Variants in COL9A3 observed in about 807,000 individuals in gnomAD.
The protein encoded by COL9A3 is collagen type IX alpha 3 chain.
In COL9A3, 82 loss-of-function variants were observed where a neutral mutation model predicts 110.2. The observed-to-expected ratio is 0.74, with a 90% CI of 0.62 to 0.89. The LOEUF (loss-of-function observed/expected upper bound fraction) is 0.89. Ranked by LOEUF, COL9A3 falls within the 40% of genes least tolerant of loss-of-function variation. The pLI is 0.00. For missense variants in COL9A3, 1,066 were observed against 981.3 expected (o/e 1.09, Z -1.15); for synonymous variants, 494 against 403.8 (o/e 1.22, Z -2.68).
chr20:62,829,009 C>T (rs781232344), intron 19 of COL9A3, 33 bp downstream of exon 19: 11 of 1,573,456 alleles, frequency 7.0e-6, no homozygotes, highest in African/African-American at 2.7e-5. Flanking sequence ...CAGCCTGGGG[C>T]GCCACAGCTT....
Position 62,829,878 on chromosome 20 carries a change from C to T in COL9A3, c.1161+59C>T, listed in dbSNP as rs1340186256. ...TAGCACTGAGCCATTGGCACATGGCCCCAGTTTCTGAGCAGGCCGGGGTGG... is the reference window on the plus strand; with the variant it reads ...TAGCACTGAGCCATTGGCACATGGCTCCAGTTTCTGAGCAGGCCGGGGTGG... On this transcript the variant is annotated intron_variant, in intron 22 of 31. Transcript: ENST00000649368. 7 of 1,526,968 alleles carry T rather than the reference C, an allele frequency of 4.6e-6. No homozygotes were observed. In the Admixed American group the frequency reaches 5.9e-5, roughly 13 times the overall value. The allele number at this position is 1,526,968 out of a possible 1,614,324, so 94.6% of individuals were successfully genotyped here. A position where few individuals can be genotyped will look rare whatever the true frequency, so the allele number is the denominator to read the frequency against.
chr20:62,838,909 C>A, intron 31 of COL9A3, 148 bp downstream of exon 31: 2 of 766,804 alleles, frequency 2.6e-6, no homozygotes, highest in Non-Finnish European at 4.6e-6. Flanking sequence ...GGAATTGTCT[C>A]AATAACCACT....
At chr20:62,838,868 T>C (rs2063654427) in intron 31 of COL9A3, 107 bp downstream of exon 31, 11 of 903,108 alleles carry the variant, frequency 1.2e-5, no homozygotes, top group East Asian at 2.6e-5. Flanking sequence ...TTTCCTCTTC[T>C]CTTGGCAAAG....
chr20:62,828,432 A>G (rs868859716), intron 17 of COL9A3, among the ~76,000 whole-genome samples: 7 of 152,330 alleles, frequency 4.6e-5, no homozygotes, highest in South Asian at 4.1e-4. Context: ...TGGACGAGGC[A>G]GGCCTGGCCT....
chr20:62,817,050 A>G lies in COL9A3; in HGVS notation c.-15A>G. 7.6e-7 allele frequency: 1 copy of G among 1,319,986 alleles called. No homozygotes were observed. The highest frequency in any genetic ancestry group is 9.7e-7 in the Non-Finnish European group (1 of 1,028,434). The allele number at this position is 1,319,986 out of a possible 1,614,324, so 81.8% of individuals were successfully genotyped here. On this transcript the variant is annotated 5_prime_UTR_variant, in exon 1 of 32. Coordinates refer to ENST00000649368, the MANE Select transcript of COL9A3 (RefSeq NM_001853.4). ...GCCGCCCGCCCCGACGCCGCAGCTC[A>G]GACTCCGCTCAGCCATGGCCGGGCC...
Position 62,817,089 on chromosome 20 carries a change from C to G in COL9A3, c.25C>G (p.Pro9Ala). 7.2e-7 allele frequency: 1 copy of G among 1,396,670 alleles called. No individual in the cohort carries two copies. Among genetic ancestry groups the G allele is most frequent in the Non-Finnish European group, 9.3e-7 (1 of 1,069,838 alleles). The allele number at this position is 1,396,670 out of a possible 1,614,324, so 86.5% of individuals were successfully genotyped here. A position where few individuals can be genotyped will look rare whatever the true frequency, so the allele number is the denominator to read the frequency against. ...CATGGCCGGGCCGCGCGCGTGCGCC[C>G]CGCTCCTGCTCCTGCTCCTGCTCGG... is the stretch of plus-strand genomic sequence containing the variant. The part of the protein sequence containing the change: MAGPRACA[P>A]LLLLLLLGEL... The change falls in exon 1 of 32, where the codon CCG becomes GCG. Residue 9 changes from proline (P) to alanine (A), a missense_variant. Physicochemically the swap from Pro to Ala is conservative, Grantham distance 27. Coordinates refer to ENST00000649368, the MANE Select transcript of COL9A3 (RefSeq NM_001853.4).
chr20:62,823,129 G>T (rs1392316374), intron 10 of COL9A3, among the ~76,000 whole-genome samples: 1 of 152,210 alleles, frequency 6.6e-6, no homozygotes, highest in Non-Finnish European at 1.5e-5. Context: ...TTAAGCTCAG[G>T]AGTTTGAGAC....
At chr20:62,834,149 C>T (rs1027920905) in intron 26 of COL9A3, among the ~76,000 whole-genome samples, 1 of 152,230 alleles carries the variant, frequency 6.6e-6, no homozygotes, top group Non-Finnish European at 1.5e-5. Context: ...GCTGGGATTA[C>T]AGGTACGAGC....
chr20:62,833,181 G>A, intron 26 of COL9A3, 117 bp downstream of exon 26: 1 of 852,774 alleles, frequency 1.2e-6, no homozygotes. Flanking sequence ...AAGATCGGCA[G>A]CTCTGCTGGG....
chr20:62,840,358 T>G (rs2063667058), intron 31 of COL9A3, among the ~76,000 whole-genome samples, 184 bp from the exon 32 acceptor site: 1 of 151,546 alleles, frequency 6.6e-6, no homozygotes, highest in Non-Finnish European at 1.5e-5. Flanking sequence ...CCCCGGACAC[T>G]CCCGACCGCC....
chr20:62,825,980 G>C (rs2063549225), intron 13 of COL9A3, 110 bp downstream of exon 13: 4 of 1,299,588 alleles, frequency 3.1e-6, no homozygotes, highest in Middle Eastern at 2.2e-4. Context: ...GGGGGTGTTT[G>C]GCCAACACCC....
chr20:62,829,605 TCA>T, intron 20 of COL9A3, 21 bp from the exon 21 acceptor site: 1 of 1,609,978 alleles, frequency 6.2e-7, no homozygotes, highest in Non-Finnish European at 8.5e-7. Context: ...AGGCAGGCAC[TCA>T]CAGCTCTCCT....
At position 62,840,394 on chromosome 20, in the gene COL9A3, C is replaced by G. The variant is rs920384206; in HGVS notation, c.1865-148C>G. On this transcript the variant is annotated intron_variant, in intron 31 of 31. Coordinates refer to ENST00000649368, the MANE Select transcript of COL9A3 (RefSeq NM_001853.4). ...AGCCCCGCGGAGAGCCTTTGTGTGC[C>G]GTTCCCTCGGCCTCCCCACCCGCTG... is the stretch of plus-strand genomic sequence containing the variant. The G allele has an allele frequency of 7.8e-6, 6 of 772,164 alleles. No individual in the cohort carries two copies. The Admixed American group carries it at 1.2e-4, about 16-fold the overall frequency. The allele number at this position is 772,164 out of a possible 1,614,324, so 47.8% of individuals were successfully genotyped here. A position where few individuals can be genotyped will look rare whatever the true frequency, so the allele number is the denominator to read the frequency against.
Position 62,840,776 on chromosome 20 carries a change from G to A in COL9A3, c.*44G>A, listed in dbSNP as rs781519354. 3.2e-6 allele frequency: 5 copies of A among 1,549,058 alleles called. No homozygotes were observed. Among genetic ancestry groups the A allele is most frequent in the Non-Finnish European group, 2.6e-6 (3 of 1,144,736 alleles). On this transcript the variant is annotated 3_prime_UTR_variant, in exon 32 of 32. Coordinates refer to ENST00000649368, the MANE Select transcript of COL9A3 (RefSeq NM_001853.4). ...AAGTGACAAGGACGCCCGAAGCACAGTGGACGGTCATGAAGGAGCGGGGGT... is the reference window on the plus strand; with the variant it reads ...AAGTGACAAGGACGCCCGAAGCACAATGGACGGTCATGAAGGAGCGGGGGT...
intron 24 of COL9A3, among the ~76,000 whole-genome samples, chr20:62,830,946 G>A (rs1372339145): frequency 6.6e-6 from 1 of 151,464 alleles, no homozygotes; most frequent in Non-Finnish European, 1.5e-5. Flanking sequence ...TCCACGTGGT[G>A]TTCCTTGTGG....
In COL9A3 at chr20:62,825,885, G is replaced by A. The variant is rs753291332; in HGVS notation, c.684+15G>A. ...TGGGGCTGCAGGTGAGGCTAGGAAG[G>A]GGTAAGGATGGTGGGATGGGAACTC... is the stretch of plus-strand genomic sequence containing the variant. On this transcript the variant is annotated intron_variant, in intron 13 of 31. Transcript: ENST00000649368. 2 of 1,557,838 alleles carry A rather than the reference G, an allele frequency of 1.3e-6. No homozygotes were observed. Among genetic ancestry groups the A allele is most frequent in the East Asian group, 4.8e-5 (2 of 41,898 alleles).
rs2063538659 is a variant in COL9A3, at chr20:62,824,968, G to T, written c.577G>T (p.Gly193Ter). 6.2e-7 allele frequency: 1 copy of T among 1,609,936 alleles called. No homozygotes were observed. Among genetic ancestry groups the T allele is most frequent in the Non-Finnish European group, 8.5e-7 (1 of 1,179,200 alleles). The change falls in exon 12 of 32, where the codon GGA (glycine) becomes TGA (stop). Residue 193 changes from glycine to a stop codon, truncating the protein, a stop_gained and splice_region_variant. Coordinates refer to ENST00000649368, the MANE Select transcript of COL9A3 (RefSeq NM_001853.4). LOFTEE classifies it high-confidence loss of function. ...GCAGTGACCCCACATTTGCTTGCAG[G>T]GACCCACTGGCTACAAAGGCGAGCA... is the stretch of plus-strand genomic sequence containing the variant. ...PGPPGMPGFKGPTGYKGEQGE... is the reference protein window; with the variant it reads ...PGPPGMPGFK
rs1328349370 is a variant in COL9A3 at position 62,829,509 on chromosome 20, T to C, written c.1053+10T>C. On this transcript the variant is annotated intron_variant, in intron 20 of 31. Transcript: ENST00000649368. ...CGAGAAGGGAGAACGGGTATGTGGC[T>C]GCAGCCGCTTTCTCTCTGGGAGGGG... is the stretch of plus-strand genomic sequence containing the variant. 6.2e-7 allele frequency: 1 copy of C among 1,610,634 alleles called. No homozygotes were observed. The highest frequency in any genetic ancestry group is 1.7e-5 in the Admixed American group (1 of 59,928).
At chr20:62,836,714 T>C in intron 29 of COL9A3, 182 bp downstream of exon 29, 1 of 673,144 alleles carries the variant, frequency 1.5e-6, no homozygotes, top group Non-Finnish European at 2.5e-6. Context: ...TCCTCTGCGC[T>C]AGAGGATGGC....
Sources: allele counts gnomAD v4.1 joint callset (sites outside exome capture counted in the v4.1 genomes callset), GRCh38; gene constraint gnomAD v4.1.1; transcripts MANE v1.5; gene names NCBI Gene and HGNC (gene_info 2026-07-23, HGNC 2026-07-21).